Variants in CCDC192 observed in about 807,000 individuals in gnomAD.
The protein encoded by CCDC192 is coiled-coil domain-containing protein 192.
At chr5:127,784,040 A>G (rs867202834) in intron 3 of CCDC192, among the ~76,000 whole-genome samples, 3 of 152,018 alleles carry the variant, frequency 2.0e-5, no homozygotes, top group Admixed American at 6.6e-5. Context: ...GTGTTAGGAG[A>G]GTCTCTTGAA....
chr5:127,762,058 G>GTT (rs111565791), intron 3 of CCDC192, among the ~76,000 whole-genome samples: 3 of 150,316 alleles, frequency 2.0e-5, no homozygotes, highest in Admixed American at 1.3e-4. Flanking sequence ...AAAATGCTCT[G>GTT]TTTTTTTTTC....
At chr5:127,834,988 A>C (rs1223354467) in intron 5 of CCDC192, among the ~76,000 whole-genome samples, 2 of 152,218 alleles carry the variant, frequency 1.3e-5, no homozygotes, top group Non-Finnish European at 2.9e-5. Context: ...AATGGTTCCA[A>C]AACATTTTCT....
chr5:127,903,834 T>C (rs1298144806), intron 6 of CCDC192, among the ~76,000 whole-genome samples: 1 of 152,216 alleles, frequency 6.6e-6, no homozygotes, highest in Non-Finnish European at 1.5e-5. Flanking sequence ...AAAACTGTTT[T>C]GTTGGAGGTG....
chr5:127,815,531 A>G (rs896157104), intron 5 of CCDC192, among the ~76,000 whole-genome samples: 1 of 152,122 alleles, frequency 6.6e-6, no homozygotes, highest in Non-Finnish European at 1.5e-5. Context: ...AATCTTCTCT[A>G]AGCCTTCCAG....
At chr5:127,815,056 C>T (rs897557021) in intron 5 of CCDC192, among the ~76,000 whole-genome samples, 1 of 152,098 alleles carries the variant, frequency 6.6e-6, no homozygotes, top group Non-Finnish European at 1.5e-5. Context: ...AAGGATCTCT[C>T]TCTTTCAGCA....
At chr5:127,733,541 C>G (rs1033176035) in intron 2 of CCDC192, among the ~76,000 whole-genome samples, 1 of 152,006 alleles carries the variant, frequency 6.6e-6, no homozygotes, top group Admixed American at 6.6e-5. Context: ...TCAACAGAAC[C>G]CATACTAGTT....
intron 5 of CCDC192, among the ~76,000 whole-genome samples, chr5:127,841,829 GT>G (rs33914303): frequency 0.66 from 99,679 of 151,992 alleles, 32,840 homozygotes; most frequent in Non-Finnish European, 0.7. Flanking sequence ...CAGTTTTAAT[GT>G]TTGGACCAGA....
chr5:127,868,787 A>G (rs2127121590), intron 5 of CCDC192, among the ~76,000 whole-genome samples: 1 of 149,316 alleles, frequency 6.7e-6, no homozygotes, highest in Admixed American at 6.7e-5. Context: ...GACTCTGTCA[A>G]AAAAAAAAAG....
At chr5:127,713,395 C>A (rs1751448388) in intron 2 of CCDC192, among the ~76,000 whole-genome samples, 1 of 152,018 alleles carries the variant, frequency 6.6e-6, no homozygotes, top group Admixed American at 6.6e-5. Flanking sequence ...GCCTTTTGTC[C>A]ATTTTCAAGT....
chr5:127,785,438 G>C, intron 3 of CCDC192: 1 of 305,586 alleles, frequency 3.3e-6, no homozygotes, highest in Non-Finnish European at 6.5e-6. Flanking sequence ...GAAGTTTAGA[G>C]GTATACTCAA....
At chr5:127,930,151 C>T (rs1373203493) in intron 6 of CCDC192, among the ~76,000 whole-genome samples, 5 of 152,092 alleles carry the variant, frequency 3.3e-5, no homozygotes, top group African/African-American at 1.2e-4. Context: ...TACAGTGAGC[C>T]GAGATTGTGC....
chr5:127,764,832 G>T (rs1561475274), intron 3 of CCDC192, among the ~76,000 whole-genome samples: 1 of 152,162 alleles, frequency 6.6e-6, no homozygotes, highest in Non-Finnish European at 1.5e-5. Flanking sequence ...GCCACATGTG[G>T]CCCACGGGCT....
At chr5:127,841,988 T>C (rs1343162248) in intron 5 of CCDC192, among the ~76,000 whole-genome samples, 1 of 152,194 alleles carries the variant, frequency 6.6e-6, no homozygotes, top group Non-Finnish European at 1.5e-5. Context: ...TGACAGAGGC[T>C]GTGTTGACCC....
At chr5:127,731,317 A>G (rs1752626845) in intron 2 of CCDC192, among the ~76,000 whole-genome samples, 1 of 152,236 alleles carries the variant, frequency 6.6e-6, no homozygotes, top group Non-Finnish European at 1.5e-5. Flanking sequence ...AGGGGAGTGA[A>G]GGATCTCTTC....
intron 5 of CCDC192, among the ~76,000 whole-genome samples, chr5:127,842,472 C>G (rs1073468): frequency 0.015 from 2,247 of 152,282 alleles, 49 homozygotes; most frequent in African/African-American, 0.051. Flanking sequence ...CCCACCTTGG[C>G]CTTCCAAAGT....
intron 2 of CCDC192, among the ~76,000 whole-genome samples, chr5:127,753,066 C>G (rs1032097020): frequency 1.3e-5 from 2 of 152,138 alleles, no homozygotes; most frequent in African/African-American, 4.8e-5. Context: ...CAGAAATCAC[C>G]CGTCTTCTGC....
intron 5 of CCDC192, among the ~76,000 whole-genome samples, chr5:127,837,835 A>C (rs1201217948): frequency 2.0e-5 from 3 of 152,110 alleles, no homozygotes; most frequent in Admixed American, 2.0e-4. Context: ...TAAAATACAA[A>C]AAATTAGCCA....
At chr5:127,733,763 C>T (rs1752782065) in intron 2 of CCDC192, among the ~76,000 whole-genome samples, 1 of 151,894 alleles carries the variant, frequency 6.6e-6, no homozygotes, top group South Asian at 2.1e-4. Flanking sequence ...CCTCTGAAAA[C>T]AGAATGACCC....
rs1580783020 is a variant in CCDC192, at chr5:127,875,560, T to G, written c.434T>G (p.Val145Gly). Reference protein sequence around the residue: ...IAQKLKHEKKVKKLQTDLATA... With the variant: ...IAQKLKHEKKGKKLQTDLATA... ...AAGAAACTAAAGCATGAAAAGAAAGTGAAAAAACTACAGACTGATTTGGCA... is the reference window on the plus strand; with the variant it reads ...AAGAAACTAAAGCATGAAAAGAAAGGGAAAAAACTACAGACTGATTTGGCA... Residue 145 changes from valine (V) to glycine (G), a missense_variant, in exon 6 of 7, where the codon GTG becomes GGG. Transcript: ENST00000514853. 1 of 397,012 alleles carries G rather than the reference T, an allele frequency of 2.5e-6. No individual in the cohort carries two copies. Among genetic ancestry groups the G allele is most frequent in the East Asian group, 3.6e-5 (1 of 27,996 alleles). 24.6% of individuals were successfully genotyped at this position (397,012 alleles called of 1,614,324 possible). A position where few individuals can be genotyped will look rare whatever the true frequency, so the allele number is the denominator to read the frequency against.
Sources: gnomAD v4.1 joint callset for allele counts (sites outside exome capture counted in the v4.1 genomes callset) on GRCh38, gnomAD v4.1.1 for gene constraint, MANE v1.5 for transcripts, NCBI Gene and HGNC (gene_info 2026-07-23, HGNC 2026-07-21) for gene names.